The following APBB1IP variants were observed in gnomAD, a reference collection of about 807,000 sequenced individuals.
The protein encoded by APBB1IP is amyloid beta precursor protein binding family B member 1 interacting protein, also known as amyloid beta A4 precursor protein-binding family B member 1-interacting protein.
APBB1IP carries 27 observed loss-of-function variants against 64.9 expected under a neutral mutation model. The observed-to-expected ratio is 0.42, with a 90% CI of 0.31 to 0.57. The LOEUF (loss-of-function observed/expected upper bound fraction) is 0.57, where lower values mean the gene tolerates loss of function less well. Ranked by LOEUF, APBB1IP falls within the 20% of genes least tolerant of loss-of-function variation. The pLI, the probability that APBB1IP is intolerant of heterozygous loss-of-function variation, is 0.20. For missense variants in APBB1IP, 812 were observed against 845.5 expected (o/e 0.96, Z 0.49); for synonymous variants, 392 against 331.0 (o/e 1.18, Z -2.00).
chr10:26,470,515 G>A (rs1375252118), intron 2 of APBB1IP, among the ~76,000 whole-genome samples: 2 of 152,154 alleles, frequency 1.3e-5, no homozygotes, highest in Non-Finnish European at 2.9e-5. Context: ...CTCCAGCCTA[G>A]GCGACAGAGC....
intron 2 of APBB1IP, among the ~76,000 whole-genome samples, chr10:26,447,450 A>T (rs1835414398): frequency 6.6e-6 from 1 of 151,872 alleles, no homozygotes. Flanking sequence ...GCCAGGCACC[A>T]GATGTGTAAA....
chr10:26,558,140 A>AAC (rs58025187), intron 11 of APBB1IP, among the ~76,000 whole-genome samples: 38,500 of 148,670 alleles, frequency 0.26, 5,071 homozygotes, highest in Middle Eastern at 0.3. Flanking sequence ...CACACACACA[A>AAC]ACACACACAC....
chr10:26,520,344 A>AAG (rs1836387912), intron 8 of APBB1IP, among the ~76,000 whole-genome samples: 2 of 102,782 alleles, frequency 1.9e-5, no homozygotes, highest in Non-Finnish European at 4.4e-5. Context: ...ATAGCAACAG[A>AAG]AAAAAGACTA....
intron 2 of APBB1IP, among the ~76,000 whole-genome samples, chr10:26,483,041 G>A (rs572013517): frequency 1.6e-5 from 2 of 123,320 alleles, no homozygotes; most frequent in South Asian, 2.6e-4. Flanking sequence ...AGTGAGCCGA[G>A]ATCACACCAT....
At chr10:26,545,811 G>A (rs1205661681) in intron 11 of APBB1IP, among the ~76,000 whole-genome samples, 2 of 150,224 alleles carry the variant, frequency 1.3e-5, no homozygotes, top group African/African-American at 4.9e-5. Flanking sequence ...TTAGCTGGGC[G>A]TGGTGGCACG....
chr10:26,523,747 T>C (rs2132455073), intron 8 of APBB1IP, among the ~76,000 whole-genome samples: 1 of 151,868 alleles, frequency 6.6e-6, no homozygotes, highest in South Asian at 2.1e-4. Context: ...GGTGGGAGGA[T>C]CACTTGAGGC....
intron 2 of APBB1IP, among the ~76,000 whole-genome samples, chr10:26,449,034 A>G (rs1835432400): frequency 6.6e-6 from 1 of 152,168 alleles, no homozygotes; most frequent in Admixed American, 6.5e-5. Flanking sequence ...CAGTAGTGCT[A>G]AGATTTGGAA....
intron 2 of APBB1IP, among the ~76,000 whole-genome samples, chr10:26,465,012 G>A (rs1835632242): frequency 6.6e-6 from 1 of 152,068 alleles, no homozygotes; most frequent in African/African-American, 2.4e-5. Flanking sequence ...AGAACTCTGG[G>A]GCATTCTCTG....
rs973067176 is a variant in APBB1IP, at chr10:26,533,434, T to C, written c.814-5T>C. ...ACTGATCTGATCTTTTAACATTTTA[T>C]TTAGAATTTCTACTTGGATAACAGA... On this transcript the variant is annotated splice_polypyrimidine_tract_variant and splice_region_variant and intron_variant, in intron 8 of 14. Transcript: ENST00000376236. The C allele has an allele frequency of 1.3e-6, 2 of 1,556,624 alleles. No homozygotes were observed. Among genetic ancestry groups the C allele is most frequent in the African/African-American group, 2.7e-5 (2 of 73,078 alleles).
intron 2 of APBB1IP, among the ~76,000 whole-genome samples, chr10:26,478,781 A>G (rs960410365): frequency 6.6e-6 from 1 of 152,106 alleles, no homozygotes; most frequent in Non-Finnish European, 1.5e-5. Context: ...CCCACAGAGA[A>G]GGCTGGAAGG....
At chr10:26,539,435 G>C (rs1416903062) in intron 10 of APBB1IP, among the ~76,000 whole-genome samples, 6 of 147,774 alleles carry the variant, frequency 4.1e-5, no homozygotes, top group African/African-American at 7.5e-5. Flanking sequence ...GAAAGAAAGA[G>C]AGAGAGTGAA....
At chr10:26,488,001 T>A (rs1266460966) in intron 2 of APBB1IP, among the ~76,000 whole-genome samples, 2 of 152,222 alleles carry the variant, frequency 1.3e-5, no homozygotes, top group Non-Finnish European at 2.9e-5. Context: ...CAATAATTAC[T>A]CTTAATAATA....
rs71401901 is a variant in APBB1IP at position 26,516,543 on chromosome 10, C to CAAAAAAAAAAAAAAAAAAAAAAA, written c.813+2901_813+2902insAAAAAAAAAAAAAAAAAAAAAAA. On this transcript the variant is annotated intron_variant, in intron 8 of 14. Coordinates refer to ENST00000376236, the MANE Select transcript of APBB1IP (RefSeq NM_019043.4). ...TGGGTGACAGAGCAAGACTCCATCT[C>CAAAAAAAAAAAAAAAAAAAAAAA]AAAAAAAAAAAAAAAAAAGTAAAGC... 1.6e-3 allele frequency among the ~76,000 whole-genome samples: 75 copies of CAAAAAAAAAAAAAAAAAAAAAAA among 47,172 alleles called. 7 individuals carry two copies. The highest frequency in any genetic ancestry group is 0.013 in the East Asian group (10 of 776). 30.9% of individuals were successfully genotyped at this position (47,172 alleles called of 152,430 possible). A position where few individuals can be genotyped will look rare whatever the true frequency, so the allele number is the denominator to read the frequency against.
chr10:26,482,567 G>A (rs1341367410), intron 2 of APBB1IP, among the ~76,000 whole-genome samples: 1 of 151,958 alleles, frequency 6.6e-6, no homozygotes, highest in Admixed American at 6.6e-5. Flanking sequence ...TCATCCTAAG[G>A]GCAATCCCAT....
rs528880937 is a variant in APBB1IP, at chr10:26,450,252, C to G, written c.-1+11399C>G. Among the ~76,000 whole-genome samples the G allele has an allele frequency of 4.6e-5, 7 of 152,306 alleles. No homozygotes were observed. The South Asian group carries it at 1.4e-3, about 32-fold the overall frequency. ...TACATGCAAAGCACTTAGAATAATGCCTGGCATGTAGCATGCGCTCAAAAA... is the reference window on the plus strand; with the variant it reads ...TACATGCAAAGCACTTAGAATAATGGCTGGCATGTAGCATGCGCTCAAAAA... On this transcript the variant is annotated intron_variant, in intron 2 of 14. Coordinates refer to ENST00000376236, the MANE Select transcript of APBB1IP (RefSeq NM_019043.4).
rs777167702 is a variant in APBB1IP, at chr10:26,541,598, C to T, written c.1061C>T (p.Ala354Val). 43 of 1,609,504 alleles carry T rather than the reference C, an allele frequency of 2.7e-5. No homozygotes were observed. In the Middle Eastern group the frequency reaches 4.9e-4, roughly 19 times the overall value. Residue 354 changes from alanine (A) to valine (V), a missense_variant, in exon 11 of 15, where the codon GCG becomes GTG. Transcript: ENST00000376236. The stretch of plus-strand genomic sequence containing the variant: ...GTCTTTCAGACATCTCGAGATCTGG[C>T]GTGTTTTATACAGTTTGAAAATGTC... ...KGKTKTSRDLACFIQFENVNI... is the reference protein window; with the variant it reads ...KGKTKTSRDLVCFIQFENVNI...
intron 9 of APBB1IP, 135 bp from the exon 10 acceptor site, chr10:26,535,939 A>G: frequency 1.2e-6 from 1 of 832,232 alleles, no homozygotes; most frequent in Admixed American, 3.0e-5. Context: ...TATAATATAA[A>G]CATATGCATT....
At chr10:26,525,711 C>T (rs923203660) in intron 8 of APBB1IP, among the ~76,000 whole-genome samples, 4 of 151,910 alleles carry the variant, frequency 2.6e-5, no homozygotes, top group African/African-American at 9.7e-5. Flanking sequence ...TTACCAACAA[C>T]AAAAAAAGCA....
chr10:26,488,242 T>A (rs1476154212), intron 2 of APBB1IP, among the ~76,000 whole-genome samples: 2 of 78,846 alleles, frequency 2.5e-5, no homozygotes, highest in Non-Finnish European at 4.7e-5. Context: ...TTTGTAGGAA[T>A]TTTTTTTTTT....
Sources: allele counts gnomAD v4.1 joint callset (sites outside exome capture counted in the v4.1 genomes callset), GRCh38; gene constraint gnomAD v4.1.1; transcripts MANE v1.5; gene names NCBI Gene and HGNC (gene_info 2026-07-23, HGNC 2026-07-21).